MAD1L1: variants seen among roughly 807,000 people sequenced by gnomAD.
The protein encoded by MAD1L1 is mitotic arrest deficient 1 like 1, also known as mitotic spindle assembly checkpoint protein MAD1.
In MAD1L1, 95 loss-of-function variants were observed where a neutral mutation model predicts 96.9. The observed-to-expected ratio is 0.98, with a 90% CI of 0.83 to 1.16. The LOEUF is 1.16. MAD1L1 is among the 50% of genes most tolerant of loss of function. The pLI is 0.00. For synonymous variants in MAD1L1, 473 were observed against 396.6 expected, an observed-to-expected ratio of 1.19 and a Z score of -2.29; for missense variants, 1,007 against 954.4, an observed-to-expected ratio of 1.06 and a Z score of -0.73.
chr7:2,039,508 C>G (rs1292295731), intron 12 of MAD1L1, among the ~76,000 whole-genome samples: 1 of 152,234 alleles, frequency 6.6e-6, no homozygotes, highest in Non-Finnish European at 1.5e-5. Flanking sequence ...TTTCTCTACA[C>G]ACTGACTGGC....
intron 10 of MAD1L1, among the ~76,000 whole-genome samples, chr7:2,201,017 C>T (rs929308611): frequency 3.9e-5 from 6 of 152,318 alleles, no homozygotes; most frequent in African/African-American, 1.4e-4. Flanking sequence ...GTGGTGCAGG[C>T]AAGACCAGCA....
chr7:2,087,512 C>G (rs1301290888), intron 11 of MAD1L1, among the ~76,000 whole-genome samples: 1 of 152,160 alleles, frequency 6.6e-6, no homozygotes, highest in African/African-American at 2.4e-5. Context: ...TGCACTCCAG[C>G]CTGGGCAACA....
chr7:1,950,846 C>T (rs961191039), intron 16 of MAD1L1, among the ~76,000 whole-genome samples: 3 of 152,224 alleles, frequency 2.0e-5, no homozygotes, highest in Non-Finnish European at 4.4e-5. Context: ...CTCTGCCACC[C>T]GTGCTCCTCG....
intron 11 of MAD1L1, among the ~76,000 whole-genome samples, chr7:2,111,688 C>T (rs548905019): frequency 4.6e-5 from 7 of 152,316 alleles, no homozygotes; most frequent in South Asian, 2.1e-4. Flanking sequence ...AGCAGCCGCA[C>T]GCTGGAAAAC....
At chr7:2,175,871 AACT>A (rs1417863469) in intron 10 of MAD1L1, among the ~76,000 whole-genome samples, 2 of 152,244 alleles carry the variant, frequency 1.3e-5, no homozygotes, top group African/African-American at 4.8e-5. Flanking sequence ...CAGATGGAAA[AACT>A]ACAACGGTGA....
intron 11 of MAD1L1, among the ~76,000 whole-genome samples, chr7:2,109,259 T>G (rs1787254198): frequency 6.6e-6 from 1 of 152,208 alleles, no homozygotes. Context: ...CGGCTTCTTC[T>G]TCAGGCCACA....
chr7:2,226,999 A>G (rs1361663355), intron 3 of MAD1L1, among the ~76,000 whole-genome samples: 1 of 150,714 alleles, frequency 6.6e-6, no homozygotes, highest in African/African-American at 2.4e-5. Context: ...AAAAAAAAAA[A>G]CAAAAGAATC....
chr7:2,174,486 AG>A (rs1790855670), intron 10 of MAD1L1, among the ~76,000 whole-genome samples: 1 of 152,042 alleles, frequency 6.6e-6, no homozygotes, highest in Non-Finnish European at 1.5e-5. Flanking sequence ...CGCTCAAGAG[AG>A]GGTTTTTCAA....
chr7:1,831,727 G>C (rs1186535982), intron 18 of MAD1L1, among the ~76,000 whole-genome samples: 2 of 152,208 alleles, frequency 1.3e-5, no homozygotes, highest in Non-Finnish European at 2.9e-5. Flanking sequence ...CGGTAAATGA[G>C]CTCTTGGGGC....
chr7:1,847,520 T>G, intron 18 of MAD1L1: 1 of 471,110 alleles, frequency 2.1e-6, no homozygotes, highest in Non-Finnish European at 4.4e-6. Flanking sequence ...GCTGGAAGGT[T>G]CCATGGGAGA....
chr7:1,888,985 C>T (rs556611250), intron 18 of MAD1L1, among the ~76,000 whole-genome samples: 7 of 152,328 alleles, frequency 4.6e-5, no homozygotes, highest in African/African-American at 7.2e-5. Context: ...TGCAGATCCT[C>T]GTGGCCTGAT....
At chr7:1,868,111 C>A (rs1418085959) in intron 18 of MAD1L1, among the ~76,000 whole-genome samples, 1 of 152,158 alleles carries the variant, frequency 6.6e-6, no homozygotes, top group Non-Finnish European at 1.5e-5. Flanking sequence ...GGCCCTCCTG[C>A]ACCCTGCCAT....
At chr7:1,974,765 G>A (rs1192407072) in intron 15 of MAD1L1, among the ~76,000 whole-genome samples, 2 of 152,384 alleles carry the variant, frequency 1.3e-5, no homozygotes, top group South Asian at 4.1e-4. Flanking sequence ...GGAAGGGCGT[G>A]AGACGCCAGA....
intron 17 of MAD1L1, among the ~76,000 whole-genome samples, chr7:1,905,902 T>C (rs746409293): frequency 6.6e-6 from 1 of 151,828 alleles, no homozygotes; most frequent in Non-Finnish European, 1.5e-5. Flanking sequence ...ATACAAAAAT[T>C]AGCCGGACGT....
At chr7:2,230,233 C>T (rs1387224728) in intron 2 of MAD1L1, 90 bp from the exon 3 acceptor site, 1 of 984,992 alleles carries the variant, frequency 1.0e-6, no homozygotes, top group Non-Finnish European at 1.5e-6. Context: ...CAGCCCCACT[C>T]CCCTAACGCA....
intron 11 of MAD1L1, chr7:2,089,107 T>C (rs1786077668): frequency 6.6e-6 from 1 of 152,316 alleles, no homozygotes; most frequent in African/African-American, 2.4e-5. Flanking sequence ...GGCCCTGCTG[T>C]GCAGCTTCCT....
At chr7:1,909,508 G>C (rs1363660064) in intron 17 of MAD1L1, among the ~76,000 whole-genome samples, 1 of 152,216 alleles carries the variant, frequency 6.6e-6, no homozygotes, top group Admixed American at 6.5e-5. Flanking sequence ...CCGGGTCCTG[G>C]CTGGCTCTGC....
chr7:1,974,197 C>A (rs1380002599), intron 15 of MAD1L1, among the ~76,000 whole-genome samples: 1 of 152,234 alleles, frequency 6.6e-6, no homozygotes, highest in East Asian at 1.9e-4. Flanking sequence ...ACGCCAGAGT[C>A]ACCCAGGCTG....
At chr7:2,220,950 G>A in intron 5 of MAD1L1, 15 of 1,612,360 alleles carry the variant, frequency 9.3e-6, no homozygotes, top group Non-Finnish European at 1.3e-5. Flanking sequence ...CCGTGTTGTA[G>A]GGGACGCCGG....
Sources: allele counts gnomAD v4.1 joint callset (sites outside exome capture counted in the v4.1 genomes callset), GRCh38; gene constraint gnomAD v4.1.1; transcripts MANE v1.5; gene names NCBI Gene and HGNC (gene_info 2026-07-23, HGNC 2026-07-21).